MAGI1: variants seen among roughly 807,000 people sequenced by gnomAD.
MAGI1 encodes the protein membrane associated guanylate kinase, WW and PDZ domain containing 1.
MAGI1 carries 58 observed loss-of-function variants against 139.9 expected under a neutral mutation model. That is an observed-to-expected ratio of 0.41 (90% CI 0.34 to 0.52). MAGI1 has a LOEUF of 0.52. MAGI1 is among the 20% of genes least tolerant of loss of function. MAGI1 has a pLI of 0.12. For missense variants in MAGI1, 1,874 were observed against 1,901.6 expected, an observed-to-expected ratio of 0.99 and a Z score of 0.27; for synonymous variants, 812 against 737.9, an observed-to-expected ratio of 1.10 and a Z score of -1.63.
intron 4 of MAGI1, among the ~76,000 whole-genome samples, chr3:65,475,460 C>T (rs763843503): frequency 4.6e-5 from 7 of 152,096 alleles, no homozygotes; most frequent in Non-Finnish European, 7.4e-5. Context: ...GTGATCTGCC[C>T]GCCTCAGTTT....
rs1022967393 is a variant in MAGI1, at chr3:65,507,838, T to G, written c.431-14207A>C. ...ATATAGTTTCTAGATAGATGAGTCATAGAAATTATTTTTTTTCAGTCTCAT... is the reference window on the plus strand; with the variant it reads ...ATATAGTTTCTAGATAGATGAGTCAGAGAAATTATTTTTTTTCAGTCTCAT... On this transcript the variant is annotated intron_variant, in intron 2 of 22. Coordinates refer to ENST00000402939, the MANE Select transcript of MAGI1 (RefSeq NM_001033057.2). Among the ~76,000 whole-genome samples, 3 of 152,208 alleles carry G rather than the reference T, an allele frequency of 2.0e-5. No individual in the cohort carries two copies. In the South Asian group the frequency reaches 6.2e-4, roughly 31 times the overall value.
intron 1 of MAGI1, among the ~76,000 whole-genome samples, chr3:66,015,288 G>T (rs1411821594): frequency 1.3e-5 from 2 of 151,906 alleles, no homozygotes; most frequent in Non-Finnish European, 2.9e-5. Context: ...ATAAGCTTTG[G>T]ATATATAAAA....
At chr3:65,707,689 C>CAAAA (rs57489811) in intron 1 of MAGI1, among the ~76,000 whole-genome samples, 5 of 88,140 alleles carry the variant, frequency 5.7e-5, no homozygotes, top group Non-Finnish European at 1.1e-4. Flanking sequence ...TACCCTATCT[C>CAAAA]AAAAAAAAAA....
intron 1 of MAGI1, among the ~76,000 whole-genome samples, chr3:65,812,953 C>T (rs1382988251): frequency 3.3e-5 from 5 of 150,904 alleles, no homozygotes; most frequent in African/African-American, 1.2e-4. Flanking sequence ...TCAGGTGATC[C>T]GACCGCCTCA....
chr3:65,693,699 GT>G (rs777159174), intron 1 of MAGI1, among the ~76,000 whole-genome samples: 2 of 102,828 alleles, frequency 1.9e-5, no homozygotes, highest in African/African-American at 7.3e-5. Flanking sequence ...ATTCAGAACA[GT>G]TTTTTTTTGT....
intron 2 of MAGI1, among the ~76,000 whole-genome samples, chr3:65,596,787 T>C (rs2082225803): frequency 1.3e-5 from 2 of 152,232 alleles, no homozygotes; most frequent in South Asian, 4.1e-4. Context: ...AAAAGCCTTT[T>C]AGCTCCCAAG....
At chr3:65,851,390 T>C (rs2059196676) in intron 1 of MAGI1, among the ~76,000 whole-genome samples, 1 of 152,190 alleles carries the variant, frequency 6.6e-6, no homozygotes, top group Admixed American at 6.5e-5. Context: ...TATTACATTG[T>C]TGCCTTATTT....
chr3:65,453,310 G>T lies in MAGI1; in HGVS notation c.990C>A (p.Asp330Glu). ...TCTGCTGCTTGTTTAGGCACCGAGGGTCTAACCAAGATGTTGTTTTCGTGT... is the reference window on the plus strand; with the variant it reads ...TCTGCTGCTTGTTTAGGCACCGAGGTTCTAACCAAGATGTTGTTTTCGTGT... ...DHNTKTTSWL[D>E]PRCLNKQQKP... is the part of the protein sequence containing the mutation. Residue 330 changes from aspartate to glutamate, a missense_variant, in exon 6 of 23, where the codon GAC (aspartate) becomes GAA (glutamate). Physicochemically the swap from Asp to Glu is conservative, Grantham distance 45. This residue lies in a region of MAGI1 where 648 missense variants were observed against 598.1 expected (regional missense o/e 1.08). Transcript: ENST00000402939. 6.2e-7 allele frequency: 1 copy of T among 1,610,858 alleles called. No homozygotes were observed. The highest frequency in any genetic ancestry group is 8.5e-7 in the Non-Finnish European group (1 of 1,179,130).
chr3:65,979,088 T>TCCCCCCCCCCCCCCCCCCCC (rs200894076), intron 1 of MAGI1, among the ~76,000 whole-genome samples: 4 of 52,968 alleles, frequency 7.6e-5, no homozygotes, highest in Non-Finnish European at 1.4e-4. Flanking sequence ...TTTCTTTTCT[T>TCCCCCCCCCCCCCCCCCCCC]CCCCCCCCCC....
intron 1 of MAGI1, among the ~76,000 whole-genome samples, chr3:65,691,851 G>A (rs1042565898): frequency 5.9e-5 from 9 of 152,256 alleles, no homozygotes; most frequent in African/African-American, 1.2e-4. Flanking sequence ...GACTGAAATC[G>A]TTCCAGGAAA....
chr3:65,916,784 AACACACAC>A (rs147407295), intron 1 of MAGI1, among the ~76,000 whole-genome samples: 1 of 149,846 alleles, frequency 6.7e-6, no homozygotes. Flanking sequence ...TACACACACT[AACACACAC>A]ACACACACAT....
chr3:65,959,635 TTATTA>T (rs1180985416), intron 1 of MAGI1, among the ~76,000 whole-genome samples: 5 of 145,260 alleles, frequency 3.4e-5, no homozygotes, highest in Admixed American at 1.4e-4. Flanking sequence ...ATTATTATTA[TTATTA>T]TTATTATTGA....
At chr3:65,712,510 T>G (rs560466286) in intron 1 of MAGI1, among the ~76,000 whole-genome samples, 18 of 151,744 alleles carry the variant, frequency 1.2e-4, no homozygotes, top group Non-Finnish European at 2.2e-4. Context: ...TGTTTTTGTT[T>G]TTGTTGTTGT....
At chr3:65,811,186 T>A (rs1474862968) in intron 1 of MAGI1, among the ~76,000 whole-genome samples, 1 of 152,228 alleles carries the variant, frequency 6.6e-6, no homozygotes, top group Non-Finnish European at 1.5e-5. Context: ...CATAGGATAA[T>A]CCTTGCATCT....
At chr3:65,615,910 G>A (rs78493960) in intron 2 of MAGI1, among the ~76,000 whole-genome samples, 5,530 of 152,214 alleles carry the variant, frequency 0.036, 148 homozygotes, top group African/African-American at 0.078. Flanking sequence ...ACACAGTAAC[G>A]CCCTTGACAT....
intron 2 of MAGI1, among the ~76,000 whole-genome samples, chr3:65,597,214 T>C (rs1416793518): frequency 6.6e-6 from 1 of 150,818 alleles, no homozygotes. Context: ...CAGGCTTTCA[T>C]CTCCTCCTTT....
At chr3:65,894,482 A>C (rs1043185267) in intron 1 of MAGI1, among the ~76,000 whole-genome samples, 5 of 152,250 alleles carry the variant, frequency 3.3e-5, no homozygotes, top group African/African-American at 1.2e-4. Flanking sequence ...ATCCAAATAT[A>C]AATTATCAAA....
Position 65,379,307 on chromosome 3 carries a change from G to C in MAGI1, c.2949C>G (p.Phe983Leu). Reference sequence around the variant, plus strand: ...GCCTGCTCACCGAGGACACGATGACGAAGCCGAAGCCCTCGTTCTCCCCGC... The same window carrying C: ...GCCTGCTCACCGAGGACACGATGACCAAGCCGAAGCCCTCGTTCTCCCCGC... ...IRRGENEGFG[F>L]VIVSSVSRPE... The change falls in exon 17 of 23, where the codon TTC becomes TTG. Residue 983 changes from phenylalanine (F) to leucine (L), a missense_variant. Phe to Leu is a conservative substitution (Grantham distance 22). This residue lies in a region of MAGI1 where 5 missense variants were observed against 19.5 expected (regional missense o/e 0.26). Transcript: ENST00000402939. 1 of 1,613,382 alleles carries C rather than the reference G, an allele frequency of 6.2e-7. No homozygotes were observed. Among genetic ancestry groups the C allele is most frequent in the Non-Finnish European group, 8.5e-7 (1 of 1,179,686 alleles).
chr3:65,564,783 G>A (rs144112896), intron 2 of MAGI1, among the ~76,000 whole-genome samples: 1 of 152,152 alleles, frequency 6.6e-6, no homozygotes, highest in Non-Finnish European at 1.5e-5. Context: ...GCTCTTAAAT[G>A]ATATCACAAT....
Sources: allele counts gnomAD v4.1 joint callset (sites outside exome capture counted in the v4.1 genomes callset), GRCh38; gene constraint gnomAD v4.1.1; regional missense constraint gnomAD v4.1.1; transcripts MANE v1.5; gene names NCBI Gene and HGNC (gene_info 2026-07-23, HGNC 2026-07-21).